Variants in SATB2 observed in about 807,000 individuals in gnomAD.
SATB2 encodes DNA-binding protein SATB2.
Under a neutral mutation model 73.4 loss-of-function variants are expected in SATB2, and 1 was observed. The observed-to-expected ratio is 0.01, with a 90% CI of 0.00 to 0.06. The LOEUF (loss-of-function observed/expected upper bound fraction) is 0.06. Ranked by LOEUF, SATB2 falls within the 10% of genes least tolerant of loss-of-function variation. The pLI, the probability that SATB2 is intolerant of heterozygous loss-of-function variation, is 1.00. For missense variants in SATB2, 459 were observed against 945.8 expected, an observed-to-expected ratio of 0.49 and a Z score of 6.75; for synonymous variants, 397 against 367.0, an observed-to-expected ratio of 1.08 and a Z score of -0.93.
Position 199,455,327 on chromosome 2 carries a change from C to T in SATB2, c.169+542G>A, listed in dbSNP as rs1322460088. 6.6e-6 allele frequency among the ~76,000 whole-genome samples: 1 copy of T among 152,178 alleles called. No individual in the cohort carries two copies. Among genetic ancestry groups the T allele is most frequent in the Non-Finnish European group, 1.5e-5 (1 of 68,040 alleles). Reference sequence around the variant, plus strand: ...TTTATAGACAACAGCAGCATTTAAGCTTCTAAGGGCCTGATGGATTCATGG... The same window carrying T: ...TTTATAGACAACAGCAGCATTTAAGTTTCTAAGGGCCTGATGGATTCATGG... On this transcript the variant is annotated intron_variant, in intron 2 of 10. Coordinates refer to ENST00000417098, the MANE Select transcript of SATB2 (RefSeq NM_001172509.2). The surrounding 1 kb of genome is among the most constrained non-coding windows in gnomAD (Gnocchi z 4.1).
chr2:199,436,921 A>C (rs912260004), intron 2 of SATB2, among the ~76,000 whole-genome samples: 1 of 152,040 alleles, frequency 6.6e-6, no homozygotes, highest in African/African-American at 2.4e-5. Context: ...AGAAAGAAAA[A>C]AAAAAGAGAG....
At chr2:199,295,507 T>A (rs917008794) in intron 10 of SATB2, among the ~76,000 whole-genome samples, 2 of 152,106 alleles carry the variant, frequency 1.3e-5, no homozygotes, top group African/African-American at 4.8e-5. Flanking sequence ...GCCAATGGTA[T>A]AACAACCAGC....
At chr2:199,397,285 A>G (rs188399262) in intron 3 of SATB2, among the ~76,000 whole-genome samples, 11 of 152,354 alleles carry the variant, frequency 7.2e-5, no homozygotes, top group Non-Finnish European at 1.3e-4. Flanking sequence ...AGAGAAAAAT[A>G]GTATATTAAA....
At chr2:199,319,004 T>A (rs1423530129) in intron 9 of SATB2, among the ~76,000 whole-genome samples, 1 of 152,016 alleles carries the variant, frequency 6.6e-6, no homozygotes, top group Non-Finnish European at 1.5e-5. Context: ...TTGAAACTTT[T>A]TTTTTTTTTT....
At chr2:199,432,580 A>G (rs1691534500) in intron 3 of SATB2, among the ~76,000 whole-genome samples, 1 of 152,184 alleles carries the variant, frequency 6.6e-6, no homozygotes. Flanking sequence ...AAACAATACA[A>G]TTCAACCATT....
intron 2 of SATB2, among the ~76,000 whole-genome samples, chr2:199,450,297 T>C (rs1290055784): frequency 6.6e-6 from 1 of 152,170 alleles, no homozygotes; most frequent in Non-Finnish European, 1.5e-5. Context: ...CTTGTCACTT[T>C]TCACTGACAA....
chr2:199,468,691 G>C (rs1478755010), upstream of SATB2, among the ~76,000 whole-genome samples: 3 of 152,204 alleles, frequency 2.0e-5, no homozygotes, highest in Admixed American at 6.5e-5. Context: ...TAAATGGGCT[G>C]TTGGCAGTTG....
At chr2:199,379,682 C>CT (rs71015899) in intron 5 of SATB2, among the ~76,000 whole-genome samples, 6,622 of 108,188 alleles carry the variant, frequency 0.061, 376 homozygotes, top group South Asian at 0.33. Flanking sequence ...CTTTTCTTTT[C>CT]TTTTTTTTTT....
At chr2:199,293,644 A>AATTATCCATTACATTATCCATGTAATGCT (rs1163171358) in intron 10 of SATB2, among the ~76,000 whole-genome samples, 2 of 152,138 alleles carry the variant, frequency 1.3e-5, no homozygotes, top group African/African-American at 4.8e-5. Flanking sequence ...GTAAAAATGT[A>AATTATCCATTACATTATCCATGTAATGCT]ATTATCCATG....
intron 7 of SATB2, among the ~76,000 whole-genome samples, chr2:199,344,865 C>T (rs10177011): frequency 0.12 from 18,550 of 152,142 alleles, 1,353 homozygotes; most frequent in South Asian, 0.32. Context: ...CACTCTTTAA[C>T]TCCTGAATTC....
Position 199,351,047 on chromosome 2 carries a change from A to AT in SATB2, c.701-1875_701-1874insA, listed in dbSNP as rs1688803044. Among the ~76,000 whole-genome samples the AT allele has an allele frequency of 3.3e-5, 5 of 151,366 alleles. No homozygotes were observed. The South Asian group carries it at 8.3e-4, about 25-fold the overall frequency. ...CTGTCTCCAAAAAAAAAAAAAAAAA[A>AT]AGAAAACCCGATTTCTTGCTTAACA... On this transcript the variant is annotated intron_variant, in intron 6 of 10. Transcript: ENST00000417098.
At chr2:199,364,891 C>T (rs1447009617) in intron 6 of SATB2, among the ~76,000 whole-genome samples, 1 of 151,940 alleles carries the variant, frequency 6.6e-6, no homozygotes. Context: ...TATATCCCCC[C>T]AAAAGTAGAT....
At chr2:199,282,764 AC>A (rs1241977468) in intron 10 of SATB2, among the ~76,000 whole-genome samples, 9 of 152,134 alleles carry the variant, frequency 5.9e-5, no homozygotes, top group Non-Finnish European at 1.0e-4. Flanking sequence ...AAATTCAGAA[AC>A]CTTTTTCACC....
At chr2:199,424,844 C>T (rs1645591593) in intron 3 of SATB2, among the ~76,000 whole-genome samples, 1 of 152,074 alleles carries the variant, frequency 6.6e-6, no homozygotes, top group African/African-American at 2.4e-5. Context: ...AATGGTATAG[C>T]ATCAAAACTA....
chr2:199,304,473 A>G (rs1687375322), intron 10 of SATB2, among the ~76,000 whole-genome samples: 1 of 152,118 alleles, frequency 6.6e-6, no homozygotes, highest in South Asian at 2.1e-4. Flanking sequence ...TTCACTACTG[A>G]TCCCCTCAGA....
chr2:199,399,702 C>G (rs1037370526), intron 3 of SATB2, among the ~76,000 whole-genome samples: 1 of 152,136 alleles, frequency 6.6e-6, no homozygotes, highest in Non-Finnish European at 1.5e-5. Context: ...AGGCAGCTCA[C>G]ATGATGGGAG....
At chr2:199,393,975 C>T (rs1690225717) in intron 3 of SATB2, among the ~76,000 whole-genome samples, 1 of 152,044 alleles carries the variant, frequency 6.6e-6, no homozygotes, top group Admixed American at 6.6e-5. Context: ...AAAGCTGCTG[C>T]CTACTGACTA....
rs1022577336 is a variant in SATB2, at chr2:199,451,681, G to A, written c.169+4188C>T. The stretch of plus-strand genomic sequence containing the variant: ...ATGTCTCTCTACTGTTGCTGATATG[G>A]TGACTACACCTGACCCGAACTGCAT... On this transcript the variant is annotated intron_variant, in intron 2 of 10. Coordinates refer to ENST00000417098, the MANE Select transcript of SATB2 (RefSeq NM_001172509.2). Among the ~76,000 whole-genome samples, 5 of 152,044 alleles carry A rather than the reference G, an allele frequency of 3.3e-5. No homozygotes were observed. In the East Asian group the frequency reaches 9.7e-4, roughly 29 times the overall value.
chr2:199,347,713 T>C (rs1013846762), intron 7 of SATB2: 6 of 152,202 alleles, frequency 3.9e-5, no homozygotes, highest in African/African-American at 7.2e-5. Context: ...ACCACAACTA[T>C]TGCTTACACT....
Sources: gnomAD v4.1 joint callset for allele counts (sites outside exome capture counted in the v4.1 genomes callset) on GRCh38, gnomAD v4.1.1 for gene constraint, Gnocchi (gnomAD v3.1) non-coding constraint, MANE v1.5 for transcripts, NCBI Gene and HGNC (gene_info 2026-07-23, HGNC 2026-07-21) for gene names.